KMT2C: variants seen among roughly 807,000 people sequenced by gnomAD.
KMT2C encodes histone-lysine N-methyltransferase 2C.
A neutral mutation model predicts 507.9 loss-of-function variants in KMT2C; 88 were observed. That is an observed-to-expected ratio of 0.17 (90% confidence interval 0.15 to 0.21). The LOEUF is 0.21. Ranked by LOEUF, KMT2C falls within the 10% of genes least tolerant of loss-of-function variation. The pLI, the probability that KMT2C is intolerant of heterozygous loss-of-function variation, is 1.00. For missense variants in KMT2C, 4,954 were observed against 5,957.8 expected, an observed-to-expected ratio of 0.83 and a Z score of 5.55; for synonymous variants, 2,049 against 2,080.8, an observed-to-expected ratio of 0.98 and a Z score of 0.42.
intron 1 of KMT2C, among the ~76,000 whole-genome samples, chr7:152,434,961 G>A (rs1381126306): frequency 6.6e-6 from 1 of 152,162 alleles, no homozygotes; most frequent in Non-Finnish European, 1.5e-5. Context: ...CCCGAAGCTG[G>A]GGGATCCCAC....
intron 1 of KMT2C, among the ~76,000 whole-genome samples, chr7:152,361,586 A>G (rs2097198394): frequency 6.6e-6 from 1 of 152,178 alleles, no homozygotes; most frequent in African/African-American, 2.4e-5. Context: ...TTTATTAAGT[A>G]GTTGTTTTTA....
intron 14 of KMT2C, among the ~76,000 whole-genome samples, chr7:152,244,366 G>C (rs1446151802): frequency 6.6e-6 from 1 of 152,016 alleles, no homozygotes; most frequent in Non-Finnish European, 1.5e-5. Context: ...AGGTCGCAAA[G>C]TACATACACC....
chr7:152,182,721 A>T (rs892557116), intron 35 of KMT2C, 127 bp from the exon 36 acceptor site: 2 of 874,988 alleles, frequency 2.3e-6, no homozygotes, highest in Non-Finnish European at 3.5e-6. Flanking sequence ...CCCATATTAG[A>T]TTATGAATTC....
At chr7:152,367,333 A>G (rs2097255629) in intron 1 of KMT2C, 1 of 874,068 alleles carries the variant, frequency 1.1e-6, no homozygotes, top group Admixed American at 2.0e-5. Context: ...ACCTTCGCAG[A>G]AGCCCTGAAG....
chr7:152,294,316 C>T (rs2096466680), intron 6 of KMT2C, among the ~76,000 whole-genome samples: 1 of 152,182 alleles, frequency 6.6e-6, no homozygotes, highest in African/African-American at 2.4e-5. Flanking sequence ...TCTATCCCTG[C>T]ATTTCAGAGT....
At chr7:152,139,517 A>G (rs1563114526) in intron 56 of KMT2C, among the ~76,000 whole-genome samples, 158 bp downstream of exon 56, 1 of 152,236 alleles carries the variant, frequency 6.6e-6, no homozygotes. Flanking sequence ...TGAAAGAGAT[A>G]CAACTGATAA....
In KMT2C at chr7:152,251,971, C is replaced by T; in HGVS notation, c.1589G>A (p.Gly530Asp). Residue 530 changes from glycine (G) to aspartate (D), a missense_variant, in exon 11 of 59, where the codon GGT (glycine) becomes GAT (aspartate). By Grantham distance (94) the Gly-to-Asp change is moderately conservative. Coordinates refer to ENST00000262189, the MANE Select transcript of KMT2C (RefSeq NM_170606.3). ...LGAEMDRLQP[G>D]EEVEIAELTT... ...GAGCTCAGCTATCTCCACTTCCTCACCTGGCTGTAAACGATCCATCTCAGC... is the reference window on the plus strand; with the variant it reads ...GAGCTCAGCTATCTCCACTTCCTCATCTGGCTGTAAACGATCCATCTCAGC... 1 of 1,611,368 alleles carries T rather than the reference C, an allele frequency of 6.2e-7. No homozygotes were observed. Among genetic ancestry groups the T allele is most frequent in the East Asian group, 2.2e-5 (1 of 44,838 alleles).
chr7:152,158,800 C>T (rs1439970569), intron 44 of KMT2C, 63 bp downstream of exon 44: 2 of 1,467,420 alleles, frequency 1.4e-6, no homozygotes, highest in Non-Finnish European at 1.9e-6. Context: ...CAGGCATGAG[C>T]CACTGCCCCC....
At chr7:152,269,445 C>T (rs1285580208) in intron 7 of KMT2C, among the ~76,000 whole-genome samples, 9 of 152,040 alleles carry the variant, frequency 5.9e-5, no homozygotes, top group African/African-American at 1.2e-4. Context: ...ACAAGATTAT[C>T]GATACTACTG....
intron 42 of KMT2C, among the ~76,000 whole-genome samples, chr7:152,164,165 T>A (rs915044602): frequency 6.6e-6 from 1 of 152,148 alleles, no homozygotes; most frequent in African/African-American, 2.4e-5. Flanking sequence ...ATAAAAAAGG[T>A]TACACAAGCA....
chr7:152,420,332 C>T (rs1014138916), intron 1 of KMT2C, among the ~76,000 whole-genome samples: 9 of 152,148 alleles, frequency 5.9e-5, no homozygotes, highest in Non-Finnish European at 1.3e-4. Context: ...GTGACTGATG[C>T]CACTAAGAAT....
chr7:152,140,831 T>G (rs2090453153), intron 55 of KMT2C, among the ~76,000 whole-genome samples: 1 of 152,226 alleles, frequency 6.6e-6, no homozygotes, highest in Non-Finnish European at 1.5e-5. Flanking sequence ...GCATCTTTGA[T>G]TATCTGTTCT....
chr7:152,300,012 C>T (rs911238297), intron 6 of KMT2C, among the ~76,000 whole-genome samples: 4 of 152,126 alleles, frequency 2.6e-5, no homozygotes, highest in Non-Finnish European at 5.9e-5. Flanking sequence ...TCAAAAGTAT[C>T]ATTAACAGTC....
chr7:152,148,781 A>G lies in KMT2C; in HGVS notation c.13146T>C (p.Phe4382=), dbSNP rs1267513683. 1.2e-6 allele frequency: 2 copies of G among 1,614,142 alleles called. No homozygotes were observed. Among genetic ancestry groups the G allele is most frequent in the African/African-American group, 2.7e-5 (2 of 74,946 alleles). ...TAAGGGAAGTGCCCAATTTCTTTAG[A>G]AATTCATCTATTTCATCCTCACAAG... ...KPPCEDEIDE[F]LKKLGTSLKP... Residue 4382 remains phenylalanine, a synonymous_variant, in exon 52 of 59, where the codon TTT becomes TTC. Transcript: ENST00000262189. This position sits in a 1 kb window ranked among gnomAD's most constrained non-coding sequence, Gnocchi z 7.1.
At chr7:152,194,599 T>A (rs2129129835) in intron 28 of KMT2C, 31 bp from the exon 29 acceptor site, 1 of 1,588,956 alleles carries the variant, frequency 6.3e-7, no homozygotes, top group Non-Finnish European at 8.6e-7. Context: ...AATTTAAAGG[T>A]ACATTCAGAA....
intron 2 of KMT2C, among the ~76,000 whole-genome samples, chr7:152,331,176 T>C (rs1427325315): frequency 6.6e-6 from 1 of 151,952 alleles, no homozygotes; most frequent in Non-Finnish European, 1.5e-5. Context: ...GGCAAGGTGG[T>C]GAGTGCTTAT....
chr7:152,270,156 A>G (rs1045792213), intron 7 of KMT2C, among the ~76,000 whole-genome samples: 1 of 152,210 alleles, frequency 6.6e-6, no homozygotes, highest in Non-Finnish European at 1.5e-5. Context: ...TGTCTATAAA[A>G]GAGAATCTCT....
chr7:152,424,964 AAATAGC>A (rs1019526983), intron 1 of KMT2C, among the ~76,000 whole-genome samples: 1 of 152,166 alleles, frequency 6.6e-6, no homozygotes, highest in African/African-American at 2.4e-5. Flanking sequence ...TTGTACCCAA[AAATAGC>A]AAAGTGTCAT....
At chr7:152,428,059 C>T (rs1312338890) in intron 1 of KMT2C, among the ~76,000 whole-genome samples, 1 of 152,104 alleles carries the variant, frequency 6.6e-6, no homozygotes, top group Non-Finnish European at 1.5e-5. Context: ...ATTAAATCAC[C>T]AAGTATTTGA....
Sources: allele counts gnomAD v4.1 joint callset (sites outside exome capture counted in the v4.1 genomes callset), GRCh38; gene constraint gnomAD v4.1.1; non-coding constraint Gnocchi (gnomAD v3.1); transcripts MANE v1.5; gene names NCBI Gene and HGNC (gene_info 2026-07-23, HGNC 2026-07-21).